Variants in ANKRD31 observed in about 807,000 individuals in gnomAD.
The protein encoded by ANKRD31 is ankyrin repeat domain 31.
Under a neutral mutation model 186.0 loss-of-function variants are expected in ANKRD31, and 147 were observed. The ratio of observed to expected loss-of-function variants is 0.79; its 90% CI spans 0.69 to 0.91. The LOEUF (loss-of-function observed/expected upper bound fraction) is 0.91, where lower values mean the gene tolerates loss of function less well. Among genes scored for constraint, ANKRD31 ranks in the 40% least tolerant of loss-of-function variants. The pLI, the probability that ANKRD31 is intolerant of heterozygous loss-of-function variation, is 0.00. For missense variants in ANKRD31, 1,986 were observed against 2,148.8 expected (o/e 0.92, Z 1.50); for synonymous variants, 673 against 736.4 (o/e 0.91, Z 1.39).
intron 1 of ANKRD31, among the ~76,000 whole-genome samples, chr5:75,235,773 A>C (rs1284881046): frequency 6.6e-6 from 1 of 152,194 alleles, no homozygotes; most frequent in African/African-American, 2.4e-5. Context: ...GTGTGGACAG[A>C]ATCCCCCTTT....
intron 10 of ANKRD31, among the ~76,000 whole-genome samples, chr5:75,186,525 A>G (rs188371777): frequency 4.6e-4 from 70 of 152,280 alleles, no homozygotes; most frequent in Middle Eastern, 3.4e-3. Flanking sequence ...TTCAGTTCCA[A>G]TGTGTTACAG....
intron 22 of ANKRD31, among the ~76,000 whole-genome samples, chr5:75,102,271 C>T (rs1184520017): frequency 6.6e-6 from 1 of 152,208 alleles, no homozygotes. Flanking sequence ...AGCAAATGTT[C>T]CTGCCTGATC....
intron 10 of ANKRD31, among the ~76,000 whole-genome samples, chr5:75,178,904 TAG>T (rs1223715041): frequency 6.6e-6 from 1 of 151,958 alleles, no homozygotes; most frequent in African/African-American, 2.4e-5. Flanking sequence ...CTGAAGGAAA[TAG>T]AGACACAAAA....
intron 17 of ANKRD31, among the ~76,000 whole-genome samples, chr5:75,130,298 G>C (rs1749671116): frequency 6.6e-6 from 1 of 152,218 alleles, no homozygotes; most frequent in African/African-American, 2.4e-5. Context: ...CAGACCCAAA[G>C]AGTGAGCAGC....
chr5:75,236,447 TG>T lies in ANKRD31; in HGVS notation c.104+135del, dbSNP rs1042287197. 22 of 654,238 alleles carry T rather than the reference TG, an allele frequency of 3.4e-5. No individual in the cohort carries two copies. The Admixed American group carries it at 5.1e-4, about 15-fold the overall frequency. 40.5% of individuals were successfully genotyped at this position (654,238 alleles called of 1,614,324 possible). A position where few individuals can be genotyped will look rare whatever the true frequency, so the allele number is the denominator to read the frequency against. On this transcript the variant is annotated intron_variant, in intron 1 of 25. Coordinates refer to ENST00000506364, the MANE Select transcript of ANKRD31 (RefSeq NM_001372053.1). Reference sequence around the variant, plus strand: ...TACAAGCTCTCAGCTCAGGCACGGCTGCCCCACAAGGCTCTGATCCTGCCCA... The same window carrying T: ...TACAAGCTCTCAGCTCAGGCACGGCTCCCCACAAGGCTCTGATCCTGCCCA...
chr5:75,174,784 G>A (rs956894792), intron 10 of ANKRD31, among the ~76,000 whole-genome samples: 2 of 152,192 alleles, frequency 1.3e-5, no homozygotes, highest in Non-Finnish European at 2.9e-5. Context: ...GTTGGTGGGA[G>A]TGTAAATTAG....
intron 10 of ANKRD31, among the ~76,000 whole-genome samples, chr5:75,186,143 A>C (rs1580514298): frequency 1.3e-5 from 2 of 152,176 alleles, no homozygotes; most frequent in East Asian, 3.9e-4. Context: ...CACCCCTCCA[A>C]AATAAAGATG....
At chr5:75,128,669 A>G (rs1749460515) in intron 17 of ANKRD31, among the ~76,000 whole-genome samples, 1 of 122,584 alleles carries the variant, frequency 8.2e-6, no homozygotes, top group African/African-American at 3.3e-5. Flanking sequence ...ATTCCCAGCT[A>G]ATTTTTTTTT....
At chr5:75,111,108 T>G (rs1284098520) in intron 20 of ANKRD31, among the ~76,000 whole-genome samples, 1 of 151,204 alleles carries the variant, frequency 6.6e-6, no homozygotes, top group African/African-American at 2.4e-5. Flanking sequence ...GAATGAAGAC[T>G]ATGAAAAAAA....
In ANKRD31 at chr5:75,165,852, C is replaced by T. The variant is rs183962771; in HGVS notation, c.1707+3127G>A. Among the ~76,000 whole-genome samples, 15 of 152,224 alleles carry T rather than the reference C, an allele frequency of 9.9e-5. No individual in the cohort carries two copies. In the East Asian group the frequency reaches 2.7e-3, roughly 27 times the overall value. ...ACATATTTAAGATACATAACAAACACATATGATGTATGAGGCTTAATGTAT... is the reference window on the plus strand; with the variant it reads ...ACATATTTAAGATACATAACAAACATATATGATGTATGAGGCTTAATGTAT... On this transcript the variant is annotated intron_variant, in intron 11 of 25. Coordinates refer to ENST00000506364, the MANE Select transcript of ANKRD31 (RefSeq NM_001372053.1).
chr5:75,135,777 C>T (rs1490351503), intron 17 of ANKRD31, among the ~76,000 whole-genome samples: 1 of 152,174 alleles, frequency 6.6e-6, no homozygotes. Context: ...TACAACAAGG[C>T]TACAGTAACC....
chr5:75,127,628 T>C (rs545437944), intron 17 of ANKRD31, among the ~76,000 whole-genome samples: 6 of 152,302 alleles, frequency 3.9e-5, no homozygotes, highest in Admixed American at 2.6e-4. Flanking sequence ...CTATTTTGAG[T>C]TCCATATCAA....
intron 4 of ANKRD31, among the ~76,000 whole-genome samples, chr5:75,209,948 T>G (rs1380712345): frequency 6.6e-6 from 1 of 152,202 alleles, no homozygotes; most frequent in Non-Finnish European, 1.5e-5. Context: ...CTCCAGCATT[T>G]TACCCACCAT....
At chr5:75,222,531 G>A (rs1303323709) in intron 2 of ANKRD31, among the ~76,000 whole-genome samples, 173 bp from the exon 3 acceptor site, 1 of 151,100 alleles carries the variant, frequency 6.6e-6, no homozygotes, top group Non-Finnish European at 1.5e-5. Flanking sequence ...GTGCAGGTTT[G>A]TTACATAGGT....
In ANKRD31 at chr5:75,227,762, C is replaced by T. The variant is rs568171615; in HGVS notation, c.178+2800G>A. ...CCTGGACCACGGACCAGTACCCATC[C>T]GTGGCCTGTTATGAACCAGGCTGCA... On this transcript the variant is annotated intron_variant, in intron 2 of 25. Transcript: ENST00000506364. Among the ~76,000 whole-genome samples the T allele has an allele frequency of 9.7e-4, 148 of 152,312 alleles. 2 individuals carry two copies. Among genetic ancestry groups the T allele is most frequent in the Middle Eastern group, 6.8e-3 (2 of 294 alleles).
In ANKRD31 at chr5:75,195,987, CA is replaced by C; in HGVS notation, c.660del (p.Phe220LeufsTer5). The part of the protein sequence containing the change: ...TKDEESSLET[F>X]VSALESLLTS... ...GTAAGTAAACTTTCTAAGGCAGACA[CA>C]AAGGTTTCAAGAGAGCTTTCTTCAT... On this transcript the variant is annotated frameshift_variant, in exon 7 of 26. Transcript: ENST00000506364. LOFTEE classifies it high-confidence loss of function. 1 of 1,531,600 alleles carries C rather than the reference CA, an allele frequency of 6.5e-7. No individual in the cohort carries two copies. Among genetic ancestry groups the C allele is most frequent in the Non-Finnish European group, 8.7e-7 (1 of 1,144,614 alleles). 94.9% of individuals were successfully genotyped at this position (1,531,600 alleles called of 1,614,324 possible). A position where few individuals can be genotyped will look rare whatever the true frequency, so the allele number is the denominator to read the frequency against.
intron 3 of ANKRD31, among the ~76,000 whole-genome samples, chr5:75,212,744 A>C (rs1756731545): frequency 6.6e-6 from 1 of 152,236 alleles, no homozygotes; most frequent in Non-Finnish European, 1.5e-5. Flanking sequence ...TTCACAACCT[A>C]CTGGCTTTTG....
In ANKRD31 at chr5:75,206,495, A is replaced by C; in HGVS notation, c.327-8T>G. 7.2e-7 allele frequency: 1 copy of C among 1,394,798 alleles called. No individual in the cohort carries two copies. The highest frequency in any genetic ancestry group is 9.3e-7 in the Non-Finnish European group (1 of 1,071,700). The allele number at this position is 1,394,798 out of a possible 1,614,324, so 86.4% of individuals were successfully genotyped here. A position where few individuals can be genotyped will look rare whatever the true frequency, so the allele number is the denominator to read the frequency against. On this transcript the variant is annotated splice_region_variant and splice_polypyrimidine_tract_variant and intron_variant, in intron 4 of 25. Coordinates refer to ENST00000506364, the MANE Select transcript of ANKRD31 (RefSeq NM_001372053.1). Reference sequence around the variant, plus strand: ...GAACAGTTTTTTCTAGTCCTAAAAAATCAATTAATAAAAATAAATTTTAAA... The same window carrying C: ...GAACAGTTTTTTCTAGTCCTAAAAACTCAATTAATAAAAATAAATTTTAAA...
chr5:75,164,414 C>T (rs1427190627), intron 11 of ANKRD31, among the ~76,000 whole-genome samples: 1 of 152,136 alleles, frequency 6.6e-6, no homozygotes, highest in African/African-American at 2.4e-5. Context: ...TAATACAGAA[C>T]CTAAATGTAG....
Sources: gnomAD v4.1 joint callset for allele counts (sites outside exome capture counted in the v4.1 genomes callset) on GRCh38, gnomAD v4.1.1 for gene constraint, MANE v1.5 for transcripts, NCBI Gene and HGNC (gene_info 2026-07-23, HGNC 2026-07-21) for gene names.